SLC22A23: variants seen among roughly 807,000 people sequenced by gnomAD.
SLC22A23 encodes solute carrier family 22 member 23.
In SLC22A23, 26 loss-of-function variants were observed where a neutral mutation model predicts 61.0. The observed-to-expected ratio is 0.43, with a 90% CI of 0.31 to 0.59. SLC22A23 has a LOEUF of 0.59. Ranked by LOEUF, SLC22A23 falls within the 20% of genes least tolerant of loss-of-function variation. SLC22A23 has a pLI of 0.11. For missense variants in SLC22A23, 796 were observed against 934.7 expected (o/e 0.85, Z 1.94); for synonymous variants, 430 against 413.9 (o/e 1.04, Z -0.47).
chr6:3,372,561 C>T lies in SLC22A23; in HGVS notation c.913+37627G>A, dbSNP rs1249225868. ...GCCAGACACCAGCCTGGAGCTCTGTCGTGTACTGGTGGCGTGGCCTGAGGA... is the reference window on the plus strand; with the variant it reads ...GCCAGACACCAGCCTGGAGCTCTGTTGTGTACTGGTGGCGTGGCCTGAGGA... On this transcript the variant is annotated intron_variant, in intron 3 of 9. Coordinates refer to ENST00000406686, the MANE Select transcript of SLC22A23 (RefSeq NM_015482.2). The surrounding 1 kb of genome is among the most constrained non-coding windows in gnomAD (Gnocchi z 4.7). Among the ~76,000 whole-genome samples the T allele has an allele frequency of 2.6e-5, 4 of 152,164 alleles. No homozygotes were observed. The highest frequency in any genetic ancestry group is 1.9e-4 in the East Asian group (1 of 5,180).
At chr6:3,406,526 CTG>C (rs61072525) in intron 3 of SLC22A23, among the ~76,000 whole-genome samples, 1,369 of 103,140 alleles carry the variant, frequency 0.013, 19 homozygotes, top group African/African-American at 0.037. Flanking sequence ...TTTCGACTGC[CTG>C]TGTGTGTGTG....
intron 3 of SLC22A23, among the ~76,000 whole-genome samples, chr6:3,341,726 C>T (rs747109808): frequency 4.6e-5 from 7 of 151,108 alleles, no homozygotes; most frequent in South Asian, 2.1e-4. Context: ...AGAAACCACA[C>T]GCACAATTCA....
chr6:3,282,927 C>G (rs1759606466), intron 9 of SLC22A23, among the ~76,000 whole-genome samples: 1 of 152,140 alleles, frequency 6.6e-6, no homozygotes, highest in Non-Finnish European at 1.5e-5. Context: ...CGAACTAAAG[C>G]AAAAGTGGCT....
intron 3 of SLC22A23, among the ~76,000 whole-genome samples, chr6:3,403,277 C>T (rs1235099015): frequency 6.6e-6 from 1 of 151,552 alleles, no homozygotes; most frequent in Non-Finnish European, 1.5e-5. Context: ...GTATTGCTCT[C>T]TTACACTCCT....
chr6:3,374,583 C>T (rs566666239), intron 3 of SLC22A23, among the ~76,000 whole-genome samples: 3 of 152,222 alleles, frequency 2.0e-5, no homozygotes, highest in African/African-American at 4.8e-5. Flanking sequence ...TATGATGACC[C>T]TTAAGTAAAA....
At chr6:3,396,919 G>A (rs1207610118) in intron 3 of SLC22A23, among the ~76,000 whole-genome samples, 1 of 151,914 alleles carries the variant, frequency 6.6e-6, no homozygotes, top group Non-Finnish European at 1.5e-5. Flanking sequence ...CCAGGATACA[G>A]AAAGCCCTGT....
At chr6:3,285,132 G>A (rs1426780155) in intron 7 of SLC22A23, 21 bp from the exon 8 acceptor site, 11 of 1,612,866 alleles carry the variant, frequency 6.8e-6, no homozygotes, top group East Asian at 2.2e-5. Flanking sequence ...AGACATGATC[G>A]CACCCACACG....
At position 3,387,600 on chromosome 6, in the gene SLC22A23, C is replaced by T. The variant is rs1767392269; in HGVS notation, c.913+22588G>A. Among the ~76,000 whole-genome samples, 1 of 152,186 alleles carries T rather than the reference C, an allele frequency of 6.6e-6. No homozygotes were observed. The highest frequency in any genetic ancestry group is 1.5e-5 in the Non-Finnish European group (1 of 68,040). Reference sequence around the variant, plus strand: ...AACGTCCGTTTCTCAGCTCTGGGGACCGTAGCGTGGTTATGTGAGTTCACG... The same window carrying T: ...AACGTCCGTTTCTCAGCTCTGGGGATCGTAGCGTGGTTATGTGAGTTCACG... On this transcript the variant is annotated intron_variant, in intron 3 of 9. Coordinates refer to ENST00000406686, the MANE Select transcript of SLC22A23 (RefSeq NM_015482.2). This position sits in a 1 kb window ranked among gnomAD's most constrained non-coding sequence, Gnocchi z 5.0.
At chr6:3,361,299 T>TC (rs2127448552) in intron 3 of SLC22A23, among the ~76,000 whole-genome samples, 1 of 9,142 alleles carries the variant, frequency 1.1e-4, no homozygotes, top group East Asian at 7.5e-3. Context: ...CATCATTCTT[T>TC]TTTTTTTTTT....
Position 3,409,845 on chromosome 6 carries a change from G to T in SLC22A23, c.913+343C>A, listed in dbSNP as rs568189511. On this transcript the variant is annotated intron_variant, in intron 3 of 9. Transcript: ENST00000406686. ...GGATTCTGTGTGGATACCCAATTATGCACCAGATAGAAGCACACAGGATGT... is the reference window on the plus strand; with the variant it reads ...GGATTCTGTGTGGATACCCAATTATTCACCAGATAGAAGCACACAGGATGT... 3.3e-5 allele frequency among the ~76,000 whole-genome samples: 5 copies of T among 152,314 alleles called. No homozygotes were observed. The South Asian group carries it at 1.0e-3, about 32-fold the overall frequency.
chr6:3,416,467 C>T (rs1041103982), intron 1 of SLC22A23, among the ~76,000 whole-genome samples: 2 of 152,266 alleles, frequency 1.3e-5, no homozygotes, highest in Non-Finnish European at 2.9e-5. Flanking sequence ...GCCATCTGCT[C>T]TCCTTGGAGA....
chr6:3,361,181 C>G (rs1765419795), intron 3 of SLC22A23, among the ~76,000 whole-genome samples: 1 of 151,700 alleles, frequency 6.6e-6, no homozygotes, highest in Non-Finnish European at 1.5e-5. Flanking sequence ...ACAGAACACA[C>G]CCCCTCAACT....
intron 3 of SLC22A23, among the ~76,000 whole-genome samples, chr6:3,362,443 T>TAAAAAAAAAAAAAAAAAA (rs1765538891): frequency 9.0e-6 from 1 of 110,680 alleles, no homozygotes; most frequent in African/African-American, 3.8e-5. Context: ...AAATAAAAAT[T>TAAAAAAAAAAAAAAAAAA]AGCATGCATT....
intron 7 of SLC22A23, among the ~76,000 whole-genome samples, chr6:3,285,677 C>T (rs1357298958): frequency 6.6e-6 from 1 of 152,222 alleles, no homozygotes; most frequent in East Asian, 1.9e-4. Flanking sequence ...GTGTGCAATC[C>T]ATTAGCTAAG....
At chr6:3,376,687 G>C (rs181205436) in intron 3 of SLC22A23, among the ~76,000 whole-genome samples, 1 of 152,226 alleles carries the variant, frequency 6.6e-6, no homozygotes, top group East Asian at 1.9e-4. Context: ...ACAGTTCACT[G>C]TATTAGGTCA....
intron 4 of SLC22A23, among the ~76,000 whole-genome samples, chr6:3,321,687 A>C (rs111753993): frequency 0.034 from 5,191 of 152,080 alleles, 311 homozygotes; most frequent in African/African-American, 0.12. Flanking sequence ...TGTCAGGTGC[A>C]CTCCTGCCTG....
chr6:3,423,675 T>C (rs559280034), intron 1 of SLC22A23, among the ~76,000 whole-genome samples: 2 of 152,318 alleles, frequency 1.3e-5, no homozygotes, highest in East Asian at 3.9e-4. Context: ...ATTAATGCCC[T>C]GCAAGAAGTC....
chr6:3,456,576 T>C lies in SLC22A23; in HGVS notation c.-17A>G, dbSNP rs1057247529. The C allele has an allele frequency of 3.8e-3, 3,731 of 981,504 alleles. 10 individuals are homozygous for C. Among genetic ancestry groups the C allele is most frequent in the Non-Finnish European group, 4.3e-3 (3,562 of 829,640 alleles). 60.8% of individuals were successfully genotyped at this position (981,504 alleles called of 1,614,324 possible). A position where few individuals can be genotyped will look rare whatever the true frequency, so the allele number is the denominator to read the frequency against. On this transcript the variant is annotated 5_prime_UTR_variant, in exon 1 of 10. Transcript: ENST00000406686. This position sits in a 1 kb window ranked among gnomAD's most constrained non-coding sequence, Gnocchi z 7.1. ...TATGGCCATGGCCCGGGCCCGCGGC[T>C]CCCGCAGAGGCGCATAGAGCGCGGC...
intron 3 of SLC22A23, among the ~76,000 whole-genome samples, chr6:3,403,659 G>A (rs114402374): frequency 1.3e-3 from 205 of 152,240 alleles, no homozygotes; most frequent in African/African-American, 4.8e-3. Flanking sequence ...ATCTAGGGGG[G>A]TAAGAGGAAG....
Sources: allele counts gnomAD v4.1 joint callset (sites outside exome capture counted in the v4.1 genomes callset), GRCh38; gene constraint gnomAD v4.1.1; non-coding constraint Gnocchi (gnomAD v3.1); transcripts MANE v1.5; gene names NCBI Gene and HGNC (gene_info 2026-07-23, HGNC 2026-07-21).